TNR: variants seen among roughly 807,000 people sequenced by gnomAD.
TNR encodes tenascin-R.
In TNR, 45 loss-of-function variants were observed where a neutral mutation model predicts 150.4. That is an observed-to-expected ratio of 0.30 (90% CI 0.24 to 0.38). TNR has a LOEUF of 0.38. TNR is among the 10% of genes least tolerant of loss of function. The pLI is 1.00. For missense variants in TNR, 1,544 were observed against 1,759.1 expected (o/e 0.88, Z 2.19); for synonymous variants, 687 against 678.4 (o/e 1.01, Z -0.20).
At chr1:175,379,368 A>T (rs1373781844) in intron 9 of TNR, among the ~76,000 whole-genome samples, 184 bp downstream of exon 9, 2 of 152,100 alleles carry the variant, frequency 1.3e-5, no homozygotes, top group African/African-American at 4.8e-5. Context: ...AAAAAAGGAG[A>T]TGTTAGTAGC....
chr1:175,370,286 G>C (rs1380187239), intron 9 of TNR, among the ~76,000 whole-genome samples: 1 of 146,994 alleles, frequency 6.8e-6, no homozygotes, highest in Non-Finnish European at 1.5e-5. Flanking sequence ...CTTAGCGGTA[G>C]TAGCTAGTAT....
chr1:175,631,371 A>G (rs949245222), intron 1 of TNR, among the ~76,000 whole-genome samples: 3 of 152,260 alleles, frequency 2.0e-5, no homozygotes, highest in Admixed American at 6.5e-5. Context: ...TTACATCTAC[A>G]GGTCTATAGC....
intron 2 of TNR, among the ~76,000 whole-genome samples, chr1:175,441,014 G>T (rs2102081337): frequency 6.6e-6 from 1 of 152,220 alleles, no homozygotes; most frequent in South Asian, 2.1e-4. Context: ...AAAGGTGGGG[G>T]TGATAGAATT....
intron 9 of TNR, among the ~76,000 whole-genome samples, chr1:175,368,678 G>A (rs933117027): frequency 2.0e-5 from 3 of 152,180 alleles, no homozygotes; most frequent in Admixed American, 6.5e-5. Flanking sequence ...GGCAGGGCAC[G>A]GTGGCTCATG....
intron 2 of TNR, among the ~76,000 whole-genome samples, chr1:175,476,653 C>A (rs540024237): frequency 2.6e-5 from 4 of 152,356 alleles, no homozygotes; most frequent in South Asian, 2.1e-4. Flanking sequence ...ACCTAACAGT[C>A]TCTTCAGGGG....
At chr1:175,468,695 C>T (rs936561989) in intron 2 of TNR, among the ~76,000 whole-genome samples, 1 of 152,156 alleles carries the variant, frequency 6.6e-6, no homozygotes, top group Non-Finnish European at 1.5e-5. Context: ...GGAGGGTCTG[C>T]ACCATCAAAG....
At chr1:175,691,652 T>G (rs1666372198) in intron 1 of TNR, among the ~76,000 whole-genome samples, 1 of 152,112 alleles carries the variant, frequency 6.6e-6, no homozygotes, top group East Asian at 1.9e-4. Flanking sequence ...CCAAACTTGG[T>G]TTATTAATCT....
intron 1 of TNR, among the ~76,000 whole-genome samples, chr1:175,554,173 A>T (rs1246534340): frequency 2.0e-5 from 3 of 152,182 alleles, no homozygotes; most frequent in Admixed American, 6.5e-5. Context: ...AGAGCTCTGC[A>T]TTGCCAGACA....
At chr1:175,737,253 A>T (rs890337312) in intron 1 of TNR, among the ~76,000 whole-genome samples, 1 of 152,236 alleles carries the variant, frequency 6.6e-6, no homozygotes, top group Non-Finnish European at 1.5e-5. Context: ...GAAGAAAGTC[A>T]TTTAGCATCA....
chr1:175,619,239 G>C (rs905252911), intron 1 of TNR, among the ~76,000 whole-genome samples: 9 of 152,090 alleles, frequency 5.9e-5, no homozygotes, highest in African/African-American at 9.7e-5. Context: ...GCAACCATGA[G>C]AGCAATGGAC....
intron 2 of TNR, among the ~76,000 whole-genome samples, chr1:175,484,946 T>C (rs1187046453): frequency 2.0e-5 from 3 of 152,192 alleles, no homozygotes; most frequent in African/African-American, 4.8e-5. Flanking sequence ...AAAATAATTA[T>C]GTTTCCCTCA....
chr1:175,627,974 C>T (rs1336783588), intron 1 of TNR, among the ~76,000 whole-genome samples: 1 of 152,176 alleles, frequency 6.6e-6, no homozygotes, highest in African/African-American at 2.4e-5. Context: ...TGAGCCAGGA[C>T]CACTGGGAGA....
At chr1:175,641,397 A>G (rs1426629012) in intron 1 of TNR, among the ~76,000 whole-genome samples, 2 of 152,338 alleles carry the variant, frequency 1.3e-5, no homozygotes, top group East Asian at 1.9e-4. Context: ...ATAAAAATAA[A>G]TGAGTTGTCT....
At chr1:175,701,302 T>G (rs1666689546) in intron 1 of TNR, among the ~76,000 whole-genome samples, 1 of 152,210 alleles carries the variant, frequency 6.6e-6, no homozygotes, top group African/African-American at 2.4e-5. Flanking sequence ...ATCTCACAGA[T>G]CCACTTGCCC....
intron 1 of TNR, among the ~76,000 whole-genome samples, chr1:175,558,089 A>C (rs1661250388): frequency 8.3e-6 from 1 of 119,902 alleles, no homozygotes; most frequent in South Asian, 3.4e-4. Context: ...ACATGGACAC[A>C]GGAAGGGGAA....
At chr1:175,496,640 T>C (rs1210730942) in intron 2 of TNR, among the ~76,000 whole-genome samples, 2 of 152,186 alleles carry the variant, frequency 1.3e-5, no homozygotes, top group Non-Finnish European at 2.9e-5. Flanking sequence ...TACAAGACCA[T>C]TCTGTGAGGC....
At chr1:175,511,858 C>T (rs1659190897) in intron 2 of TNR, among the ~76,000 whole-genome samples, 1 of 152,180 alleles carries the variant, frequency 6.6e-6, no homozygotes, top group South Asian at 2.1e-4. Flanking sequence ...TCTCTCCTGG[C>T]ATTGTTTCCT....
At chr1:175,396,019 TTAAGA>T (rs1653409297) in intron 5 of TNR, among the ~76,000 whole-genome samples, 1 of 152,220 alleles carries the variant, frequency 6.6e-6, no homozygotes. Flanking sequence ...AAATGAACTA[TTAAGA>T]TATTTCACTA....
chr1:175,394,766 C>A (rs1371617273), intron 5 of TNR, among the ~76,000 whole-genome samples: 1 of 152,208 alleles, frequency 6.6e-6, no homozygotes, highest in Non-Finnish European at 1.5e-5. Flanking sequence ...GAAGGCAGGG[C>A]TGACTGCAAG....
Sources: gnomAD v4.1 joint callset for allele counts (sites outside exome capture counted in the v4.1 genomes callset) on GRCh38, gnomAD v4.1.1 for gene constraint, MANE v1.5 for transcripts, NCBI Gene and HGNC (gene_info 2026-07-23, HGNC 2026-07-21) for gene names.